ASPRV1: variants seen among roughly 807,000 people sequenced by gnomAD.
ASPRV1 encodes retroviral-like aspartic protease 1.
ASPRV1 carries 7 observed loss-of-function variants against 11.0 expected under a neutral mutation model. That is an observed-to-expected ratio of 0.64 (90% CI 0.36 to 1.20). The LOEUF (loss-of-function observed/expected upper bound fraction) is 1.20. Among genes scored for constraint, ASPRV1 ranks in the 50% most tolerant of loss-of-function variants. ASPRV1 has a pLI of 0.02. For missense variants in ASPRV1, 299 were observed against 320.0 expected (o/e 0.93, Z 0.50); for synonymous variants, 136 against 138.4 (o/e 0.98, Z 0.12).
the ASPRV1 span, among the ~76,000 whole-genome samples, chr2:69,954,185 A>T: frequency 6.6e-6 from 1 of 152,146 alleles, no homozygotes; most frequent in Non-Finnish European, 1.5e-5. Context: ...AAGGCTCCTC[A>T]TGGCCCACCA....
At chr2:70,008,269 T>C in the ASPRV1 span, among the ~76,000 whole-genome samples, 1 of 152,170 alleles carries the variant, frequency 6.6e-6, no homozygotes, top group Non-Finnish European at 1.5e-5. Context: ...AGTAATATAA[T>C]ACAAGCCATA....
chr2:69,961,414 C>A lies in ASPRV1; in HGVS notation c.23G>T (p.Ser8Ile). Residue 8 changes from serine to isoleucine, a missense_variant, in exon 1 of 1, where the codon AGT (serine) becomes ATT (isoleucine). Transcript: ENST00000320256. MAGSGAR[S>I]EEGRRQHAFV... ...GGCATGCTGCCGGCGGCCTTCCTCA[C>A]TCCTGGCTCCGCTCCCGGCCATCCT... The A allele has an allele frequency of 6.2e-7, 1 of 1,614,132 alleles. No individual in the cohort carries two copies. Among genetic ancestry groups the A allele is most frequent in the Non-Finnish European group, 8.5e-7 (1 of 1,180,050 alleles).
At chr2:69,963,017 TGTCCCTCTTCA>T (rs1678188392), upstream of ASPRV1, 38 of 323,560 alleles carry the variant, frequency 1.2e-4, no homozygotes, top group South Asian at 9.3e-4. Context: ...GCCAAGAGCC[TGTCCCTCTTCA>T]GCTCCCTATG....
At chr2:69,990,861 C>T in the ASPRV1 span, among the ~76,000 whole-genome samples, 1 of 152,136 alleles carries the variant, frequency 6.6e-6, no homozygotes, top group African/African-American at 2.4e-5. Flanking sequence ...ATTAGGCGCC[C>T]TCGGGCCACC....
chr2:70,023,609 G>C, the ASPRV1 span, among the ~76,000 whole-genome samples: 1 of 151,836 alleles, frequency 6.6e-6, no homozygotes, highest in South Asian at 2.1e-4. Context: ...GGGAGGCAGA[G>C]GTTGCAGTGA....
the ASPRV1 span, among the ~76,000 whole-genome samples, chr2:70,040,573 C>A: frequency 3.3e-5 from 5 of 152,084 alleles, no homozygotes; most frequent in Admixed American, 3.3e-4. Context: ...CGGTGGCTCA[C>A]GCCTGTAATC....
upstream of ASPRV1, chr2:69,963,222 A>G (rs1042644060): frequency 5.1e-5 from 23 of 454,308 alleles, no homozygotes; most frequent in African/African-American, 4.6e-4. Context: ...CTGCCTGGCT[A>G]AGGTGGGGCC....
the ASPRV1 span, among the ~76,000 whole-genome samples, chr2:70,059,445 T>C: frequency 0.024 from 3,679 of 152,126 alleles, 139 homozygotes; most frequent in African/African-American, 0.083. Flanking sequence ...AGTTCTGCCA[T>C]TTCCAAGTTA....
chr2:69,985,889 C>T, the ASPRV1 span, among the ~76,000 whole-genome samples: 22 of 152,176 alleles, frequency 1.4e-4, no homozygotes, highest in Non-Finnish European at 2.4e-4. Context: ...CACACACCTA[C>T]GTAAGCACAA....
In ASPRV1 at chr2:69,961,170, C is replaced by A. The variant is rs1050431886; in HGVS notation, c.267G>T (p.Gly89=). The change falls in exon 1 of 1, where the codon GGG becomes GGT. Residue 89 remains glycine, a synonymous_variant. Coordinates refer to ENST00000320256, the MANE Select transcript of ASPRV1 (RefSeq NM_152792.4). ...TVKEALLKAF[G]VPGAAPSHLP... ...GGTGGCTGGGGGCAGCCCCAGGGACCCCAAAGGCCTTCAGGAGGGCCTCTT... is the reference window on the plus strand; with the variant it reads ...GGTGGCTGGGGGCAGCCCCAGGGACACCAAAGGCCTTCAGGAGGGCCTCTT... The A allele has an allele frequency of 6.2e-7, 1 of 1,613,718 alleles. No homozygotes were observed. The highest frequency in any genetic ancestry group is 1.3e-5 in the African/African-American group (1 of 74,890).
chr2:69,979,142 C>T, the ASPRV1 span, among the ~76,000 whole-genome samples: 1 of 152,146 alleles, frequency 6.6e-6, no homozygotes, highest in Non-Finnish European at 1.5e-5. Flanking sequence ...TCAAGCGATT[C>T]TTCTGCCTCA....
the ASPRV1 span, among the ~76,000 whole-genome samples, chr2:70,079,834 A>G: frequency 6.6e-6 from 1 of 152,242 alleles, no homozygotes; most frequent in Non-Finnish European, 1.5e-5. Context: ...ATGAACACAC[A>G]GAAGGGTTCT....
the ASPRV1 span, chr2:70,071,692 A>T: frequency 6.6e-6 from 1 of 152,164 alleles, no homozygotes; most frequent in Non-Finnish European, 1.5e-5. Flanking sequence ...CAGTGAGCCG[A>T]TATCGTGCCA....
At chr2:70,005,938 T>C in the ASPRV1 span, among the ~76,000 whole-genome samples, 2 of 152,236 alleles carry the variant, frequency 1.3e-5, no homozygotes, top group African/African-American at 2.4e-5. Flanking sequence ...AGCCATGTGC[T>C]GGGCACTGTC....
chr2:70,065,611 G>A, the ASPRV1 span, among the ~76,000 whole-genome samples: 3 of 151,470 alleles, frequency 2.0e-5, no homozygotes, highest in South Asian at 2.1e-4. Context: ...TAAAAGCAGG[G>A]GCAGGGTGCA....
chr2:70,082,375 C>T, the ASPRV1 span, among the ~76,000 whole-genome samples: 1 of 151,986 alleles, frequency 6.6e-6, no homozygotes, highest in African/African-American at 2.4e-5. Flanking sequence ...TCAAAACCAA[C>T]CTGAGCAACA....
chr2:69,997,272 T>C, the ASPRV1 span, among the ~76,000 whole-genome samples: 2 of 151,540 alleles, frequency 1.3e-5, no homozygotes, highest in African/African-American at 4.9e-5. Flanking sequence ...TACATTTTAC[T>C]CAATGACCAA....
At chr2:69,996,217 A>C in the ASPRV1 span, among the ~76,000 whole-genome samples, 4 of 146,904 alleles carry the variant, frequency 2.7e-5, no homozygotes, top group African/African-American at 1.0e-4. Context: ...CATCTCTCAA[A>C]AAAAAAAAAA....
chr2:69,961,412 C>T lies in ASPRV1; in HGVS notation c.25G>A (p.Glu9Lys), dbSNP rs563212155. The T allele has an allele frequency of 1.2e-6, 2 of 1,614,122 alleles. No homozygotes were observed. Among genetic ancestry groups the T allele is most frequent in the African/African-American group, 2.7e-5 (2 of 75,066 alleles). The stretch of plus-strand genomic sequence containing the variant: ...AAGGCATGCTGCCGGCGGCCTTCCT[C>T]ACTCCTGGCTCCGCTCCCGGCCATC... MAGSGARSEEGRRQHAFVP... is the reference protein window; with the variant it reads MAGSGARSKEGRRQHAFVP... Residue 9 changes from glutamate to lysine, a missense_variant, in exon 1 of 1, where the codon GAG becomes AAG. Transcript: ENST00000320256.
Sources: allele counts gnomAD v4.1 joint callset (sites outside exome capture counted in the v4.1 genomes callset), GRCh38; gene constraint gnomAD v4.1.1; transcripts MANE v1.5; gene names NCBI Gene and HGNC (gene_info 2026-07-23, HGNC 2026-07-21).